GALNTL6: variants seen among roughly 807,000 people sequenced by gnomAD.
GALNTL6 encodes polypeptide N-acetylgalactosaminyltransferase-like 6.
A neutral mutation model predicts 73.7 loss-of-function variants in GALNTL6; 46 were observed. That is an observed-to-expected ratio of 0.62 (90% confidence interval 0.49 to 0.80). The LOEUF (loss-of-function observed/expected upper bound fraction) is 0.80. GALNTL6 is among the 30% of genes least tolerant of loss of function. GALNTL6 has a pLI of 0.00. For synonymous variants in GALNTL6, 259 were observed against 263.7 expected (o/e 0.98, Z 0.17); for missense variants, 604 against 755.0 (o/e 0.80, Z 2.34).
chr4:171,981,753 TTC>T (rs1270116846), intron 2 of GALNTL6, among the ~76,000 whole-genome samples: 1 of 152,122 alleles, frequency 6.6e-6, no homozygotes, highest in Non-Finnish European at 1.5e-5. Flanking sequence ...TATACTTTTT[TTC>T]TGTTTCATTT....
intron 2 of GALNTL6, among the ~76,000 whole-genome samples, chr4:172,191,039 C>T (rs767038715): frequency 2.0e-5 from 3 of 152,186 alleles, no homozygotes; most frequent in Non-Finnish European, 4.4e-5. Context: ...CTCCCTCCCA[C>T]CCTATGTGTT....
intron 2 of GALNTL6, among the ~76,000 whole-genome samples, chr4:172,058,342 C>A (rs535268657): frequency 6.6e-6 from 1 of 151,906 alleles, no homozygotes; most frequent in Non-Finnish European, 1.5e-5. Context: ...AAATTGAGAC[C>A]GAATTAAATA....
chr4:171,910,128 T>C (rs766243193), intron 2 of GALNTL6, among the ~76,000 whole-genome samples: 1 of 152,174 alleles, frequency 6.6e-6, no homozygotes, highest in African/African-American at 2.4e-5. Context: ...TAAAGCTTTT[T>C]AGTAATCTAC....
At chr4:171,972,439 T>G (rs1045141274) in intron 2 of GALNTL6, among the ~76,000 whole-genome samples, 1 of 152,138 alleles carries the variant, frequency 6.6e-6, no homozygotes, top group Non-Finnish European at 1.5e-5. Context: ...ATTATAGCTT[T>G]GTACTGAGTT....
intron 5 of GALNTL6, among the ~76,000 whole-genome samples, chr4:172,695,767 G>A (rs534788117): frequency 2.6e-5 from 4 of 152,260 alleles, no homozygotes; most frequent in Admixed American, 6.5e-5. Flanking sequence ...CTAACATGGT[G>A]AAACCCTGTC....
intron 2 of GALNTL6, among the ~76,000 whole-genome samples, chr4:171,854,852 T>C (rs913864642): frequency 6.6e-6 from 1 of 152,214 alleles, no homozygotes; most frequent in Non-Finnish European, 1.5e-5. Context: ...TACCATCACA[T>C]TGAGGATTAG....
chr4:172,006,356 G>A (rs1028040297), intron 2 of GALNTL6, among the ~76,000 whole-genome samples: 6 of 152,076 alleles, frequency 3.9e-5, no homozygotes, highest in African/African-American at 7.2e-5. Flanking sequence ...GGCTGGACAC[G>A]GTGGCTCTTG....
At chr4:172,198,880 T>A (rs949021506) in intron 2 of GALNTL6, among the ~76,000 whole-genome samples, 16 of 152,214 alleles carry the variant, frequency 1.1e-4, no homozygotes, top group Non-Finnish European at 2.1e-4. Flanking sequence ...AATGTATTTT[T>A]TTTTAAATTT....
intron 2 of GALNTL6, among the ~76,000 whole-genome samples, chr4:172,223,350 T>G: frequency 6.6e-6 from 1 of 152,140 alleles, no homozygotes; most frequent in Non-Finnish European, 1.5e-5. Flanking sequence ...ATGCAGAAAC[T>G]TCTGTGTAGA....
intron 2 of GALNTL6, among the ~76,000 whole-genome samples, chr4:171,948,826 T>C (rs1738779611): frequency 1.3e-5 from 2 of 152,068 alleles, no homozygotes; most frequent in African/African-American, 4.8e-5. Flanking sequence ...ATAGGCAATA[T>C]CTCAATAAAA....
At chr4:172,300,404 C>T (rs1739867077) in intron 3 of GALNTL6, among the ~76,000 whole-genome samples, 1 of 152,088 alleles carries the variant, frequency 6.6e-6, no homozygotes, top group South Asian at 2.1e-4. Flanking sequence ...TGAATTTGAT[C>T]CTGTCATTAT....
intron 7 of GALNTL6, among the ~76,000 whole-genome samples, chr4:172,824,320 G>A (rs1466129699): frequency 6.6e-6 from 1 of 151,726 alleles, no homozygotes; most frequent in Non-Finnish European, 1.5e-5. Flanking sequence ...GAACAGAGTT[G>A]GCCACAAGGG....
chr4:172,748,880 TTTGTTGTTGTTG>T (rs142265791), intron 5 of GALNTL6, among the ~76,000 whole-genome samples: 39,943 of 149,898 alleles, frequency 0.27, 6,765 homozygotes, highest in African/African-American at 0.47. Context: ...CATATTTTCT[TTTGTTGTTGTTG>T]TTGTTGTTGT....
intron 5 of GALNTL6, among the ~76,000 whole-genome samples, chr4:172,394,585 C>T (rs972718314): frequency 4.6e-5 from 7 of 152,002 alleles, no homozygotes; most frequent in Admixed American, 1.3e-4. Context: ...GCACACACCA[C>T]CACGCCCAGC....
intron 8 of GALNTL6, among the ~76,000 whole-genome samples, chr4:172,922,012 G>A (rs1747819141): frequency 6.6e-6 from 1 of 152,112 alleles, no homozygotes; most frequent in Non-Finnish European, 1.5e-5. Flanking sequence ...ATATGTTGTG[G>A]GAGGGACCCA....
chr4:172,023,226 A>G (rs569363157), intron 2 of GALNTL6, among the ~76,000 whole-genome samples: 1 of 151,984 alleles, frequency 6.6e-6, no homozygotes, highest in African/African-American at 2.4e-5. Context: ...CCAAATAACC[A>G]TGCCTTCTGA....
intron 3 of GALNTL6, among the ~76,000 whole-genome samples, chr4:172,304,661 G>T (rs1250694860): frequency 6.6e-6 from 1 of 152,082 alleles, no homozygotes; most frequent in Non-Finnish European, 1.5e-5. Context: ...ATACTTTAAA[G>T]TGTCACTAGC....
intron 2 of GALNTL6, among the ~76,000 whole-genome samples, chr4:172,140,745 C>A (rs1231683881): frequency 6.6e-6 from 1 of 152,002 alleles, no homozygotes; most frequent in East Asian, 1.9e-4. Flanking sequence ...ATATTTAATA[C>A]ATAAGAAGAA....
At chr4:172,470,341 CTTAA>C (rs374073567) in intron 5 of GALNTL6, among the ~76,000 whole-genome samples, 162 of 152,248 alleles carry the variant, frequency 1.1e-3, no homozygotes, top group African/African-American at 3.5e-3. Context: ...CTAGAAAAAA[CTTAA>C]TTAATAGGTA....
Sources: gnomAD v4.1 joint callset for allele counts (sites outside exome capture counted in the v4.1 genomes callset) on GRCh38, gnomAD v4.1.1 for gene constraint, MANE v1.5 for transcripts, NCBI Gene and HGNC (gene_info 2026-07-23, HGNC 2026-07-21) for gene names.